The following ETV6 variants were observed in gnomAD, a reference collection of about 807,000 sequenced individuals.
ETV6 encodes ETS variant transcription factor 6.
A neutral mutation model predicts 51.1 loss-of-function variants in ETV6; 16 were observed. The ratio of observed to expected loss-of-function variants is 0.31; its 90% CI spans 0.21 to 0.48. ETV6 has a LOEUF of 0.48. ETV6 is among the 20% of genes least tolerant of loss of function. The pLI, the probability that ETV6 is intolerant of heterozygous loss-of-function variation, is 0.99. For missense variants in ETV6, 458 were observed against 594.8 expected (o/e 0.77, Z 2.39); for synonymous variants, 240 against 224.1 (o/e 1.07, Z -0.64).
intron 1 of ETV6, among the ~76,000 whole-genome samples, chr12:11,732,826 A>G (rs139516850): frequency 6.6e-6 from 1 of 152,210 alleles, no homozygotes; most frequent in Non-Finnish European, 1.5e-5. Flanking sequence ...CTCTGTAATC[A>G]TTATGTTAAA....
At chr12:11,704,077 A>C (rs568488547) in intron 1 of ETV6, among the ~76,000 whole-genome samples, 1 of 152,314 alleles carries the variant, frequency 6.6e-6, no homozygotes, top group Admixed American at 6.5e-5. Flanking sequence ...TACAACTTGC[A>C]TGTATTTTGT....
intron 5 of ETV6, among the ~76,000 whole-genome samples, chr12:11,876,717 G>A (rs1946990701): frequency 6.6e-6 from 1 of 152,140 alleles, no homozygotes; most frequent in South Asian, 2.1e-4. Context: ...CCCAAATAGA[G>A]AATATCTCCT....
intron 2 of ETV6, among the ~76,000 whole-genome samples, chr12:11,835,410 G>C (rs1279290695): frequency 6.6e-6 from 1 of 152,000 alleles, no homozygotes. Context: ...CTTTGACTTT[G>C]TTGAATTAAA....
At chr12:11,791,663 T>C (rs1041349176) in intron 2 of ETV6, among the ~76,000 whole-genome samples, 5 of 152,254 alleles carry the variant, frequency 3.3e-5, no homozygotes, top group African/African-American at 1.2e-4. Flanking sequence ...GATAGTTATA[T>C]TTTTGTTTTT....
At chr12:11,666,513 AAG>A (rs1185237943) in intron 1 of ETV6, among the ~76,000 whole-genome samples, 11 of 152,204 alleles carry the variant, frequency 7.2e-5, no homozygotes, top group Non-Finnish European at 1.3e-4. Flanking sequence ...GGGCAGTCTT[AAG>A]AGAGTGTGTT....
At chr12:11,727,750 C>A (rs1016445940) in intron 1 of ETV6, among the ~76,000 whole-genome samples, 11 of 152,232 alleles carry the variant, frequency 7.2e-5, no homozygotes, top group Non-Finnish European at 1.3e-4. Flanking sequence ...GGTGTGAGCC[C>A]CTCTGGTGGC....
chr12:11,783,021 C>G (rs187966247), intron 2 of ETV6, among the ~76,000 whole-genome samples: 1 of 151,908 alleles, frequency 6.6e-6, no homozygotes, highest in Admixed American at 6.6e-5. Context: ...TAGCAATGAT[C>G]TAGGTGAGAA....
At chr12:11,749,057 G>T (rs1295845356) in intron 1 of ETV6, among the ~76,000 whole-genome samples, 4 of 152,042 alleles carry the variant, frequency 2.6e-5, no homozygotes, top group African/African-American at 9.7e-5. Flanking sequence ...CTTTTGTTCA[G>T]CTGGTTGGCT....
chr12:11,808,283 A>G (rs1055946287), intron 2 of ETV6, among the ~76,000 whole-genome samples: 2 of 152,158 alleles, frequency 1.3e-5, no homozygotes, highest in Admixed American at 6.5e-5. Context: ...TTTCTTTACA[A>G]TTCTAGCCAC....
At chr12:11,733,439 A>G (rs1865641667) in intron 1 of ETV6, among the ~76,000 whole-genome samples, 1 of 143,682 alleles carries the variant, frequency 7.0e-6, no homozygotes, top group African/African-American at 2.6e-5. Flanking sequence ...AAAATTAACC[A>G]CTTCATTCTT....
intron 1 of ETV6, among the ~76,000 whole-genome samples, chr12:11,677,789 T>G (rs932910356): frequency 6.6e-6 from 1 of 152,244 alleles, no homozygotes; most frequent in Non-Finnish European, 1.5e-5. Context: ...ATGAGGATAG[T>G]AGCACCTACT....
chr12:11,794,115 A>G (rs1304284279), intron 2 of ETV6, among the ~76,000 whole-genome samples: 2 of 152,186 alleles, frequency 1.3e-5, no homozygotes, highest in African/African-American at 2.4e-5. Context: ...TAGAGGCACA[A>G]TGGGAACCCA....
intron 3 of ETV6, among the ~76,000 whole-genome samples, chr12:11,847,084 A>G (rs565610177): frequency 9.2e-5 from 14 of 152,268 alleles, no homozygotes; most frequent in Middle Eastern, 3.4e-3. Context: ...GCTGCAGTCT[A>G]CGAGCAATAG....
At chr12:11,847,427 G>T (rs1370678360) in intron 3 of ETV6, among the ~76,000 whole-genome samples, 4 of 152,206 alleles carry the variant, frequency 2.6e-5, no homozygotes, top group Non-Finnish European at 4.4e-5. Context: ...CGAGCCGATT[G>T]AAGCCATGGG....
At chr12:11,843,705 C>T (rs1333046785) in intron 3 of ETV6, among the ~76,000 whole-genome samples, 1 of 152,178 alleles carries the variant, frequency 6.6e-6, no homozygotes, top group African/African-American at 2.4e-5. Context: ...ACAGTAGACT[C>T]CCTGAATGCC....
intron 1 of ETV6, among the ~76,000 whole-genome samples, chr12:11,667,551 T>TTTA (rs1864217889): frequency 6.6e-5 from 10 of 151,768 alleles, no homozygotes; most frequent in South Asian, 4.2e-4. Flanking sequence ...TTTTTTTTTT[T>TTTA]AAATGGGGAC....
At chr12:11,845,709 C>G (rs149144890) in intron 3 of ETV6, among the ~76,000 whole-genome samples, 389 of 152,062 alleles carry the variant, frequency 2.6e-3, no homozygotes, top group Non-Finnish European at 4.6e-3. Context: ...AAACTAGGAC[C>G]AGGCTGGGTG....
intron 2 of ETV6, among the ~76,000 whole-genome samples, chr12:11,784,322 G>A (rs1390362513): frequency 6.6e-6 from 1 of 152,066 alleles, no homozygotes; most frequent in Non-Finnish European, 1.5e-5. Context: ...CACTACTCAG[G>A]AGGCTAAGGC....
chr12:11,877,491 A>G (rs1425973680), intron 5 of ETV6, among the ~76,000 whole-genome samples: 1 of 152,130 alleles, frequency 6.6e-6, no homozygotes. Flanking sequence ...TCTGTGCATA[A>G]ATATCTGTGT....
Sources: allele counts gnomAD v4.1 joint callset (sites outside exome capture counted in the v4.1 genomes callset), GRCh38; gene constraint gnomAD v4.1.1; transcripts MANE v1.5; gene names NCBI Gene and HGNC (gene_info 2026-07-23, HGNC 2026-07-21).